Variants in PCNX2 observed in about 807,000 individuals in gnomAD.
The protein encoded by PCNX2 is pecanex 2.
A neutral mutation model predicts 223.8 loss-of-function variants in PCNX2; 168 were observed. The observed-to-expected ratio is 0.75, with a 90% CI of 0.66 to 0.85. The LOEUF (loss-of-function observed/expected upper bound fraction) is 0.85. Among genes scored for constraint, PCNX2 ranks in the 40% least tolerant of loss-of-function variants. The pLI is 0.00. For synonymous variants in PCNX2, 1,006 were observed against 1,052.6 expected (o/e 0.96, Z 0.86); for missense variants, 2,507 against 2,675.5 (o/e 0.94, Z 1.39).
intron 10 of PCNX2, among the ~76,000 whole-genome samples, chr1:233,219,866 T>A (rs1657263745): frequency 1.3e-5 from 2 of 152,152 alleles, no homozygotes; most frequent in East Asian, 1.9e-4. Flanking sequence ...GACAAATGTA[T>A]AATGACATGT....
At chr1:233,140,616 T>C (rs1010380933) in intron 19 of PCNX2, among the ~76,000 whole-genome samples, 1 of 152,138 alleles carries the variant, frequency 6.6e-6, no homozygotes, top group Non-Finnish European at 1.5e-5. Flanking sequence ...TGGCAGGAGA[T>C]GGGGTAATGA....
At chr1:233,130,768 C>A (rs1676450784) in intron 21 of PCNX2, among the ~76,000 whole-genome samples, 1 of 151,904 alleles carries the variant, frequency 6.6e-6, no homozygotes, top group Admixed American at 6.6e-5. Context: ...CAGGTGTGTG[C>A]CACTGTGCCC....
chr1:233,074,527 G>A lies in PCNX2; in HGVS notation c.4076+15534C>T, dbSNP rs546789887. Among the ~76,000 whole-genome samples the A allele has an allele frequency of 1.0e-4, 15 of 146,598 alleles. No homozygotes were observed. The South Asian group carries it at 2.8e-3, about 27-fold the overall frequency. ...GGAGAATGGCGTGAACCCGGGAGGC[G>A]GAGCTTGCAGTGAGCCGAGATCCCG... On this transcript the variant is annotated intron_variant, in intron 23 of 33. Transcript: ENST00000258229.
chr1:233,200,422 C>T (rs796143224), intron 13 of PCNX2, among the ~76,000 whole-genome samples, 158 bp from the exon 14 acceptor site: 2 of 134,406 alleles, frequency 1.5e-5, no homozygotes, highest in African/African-American at 5.8e-5. Context: ...TGGAGTCTCG[C>T]TCTGTCGCCC....
rs1220771376 is a variant in PCNX2 at position 233,236,919 on chromosome 1, C to G, written c.2284G>C (p.Asp762His). The G allele has an allele frequency of 6.2e-7, 1 of 1,613,966 alleles. No homozygotes were observed. Among genetic ancestry groups the G allele is most frequent in the East Asian group, 2.2e-5 (1 of 44,880 alleles). The change falls in exon 9 of 34, where the codon GAC becomes CAC. Residue 762 changes from aspartate to histidine, a missense_variant. Asp to His is a moderately conservative substitution (Grantham distance 81). This residue lies in a region of PCNX2 where 1,031 missense variants were observed against 1,021.7 expected (regional missense o/e 1.01). Coordinates refer to ENST00000258229, the MANE Select transcript of PCNX2 (RefSeq NM_014801.4). Reference protein sequence around the residue: ...TSESQDPSSGDPAVSALQQQL... With the variant: ...TSESQDPSSGHPAVSALQQQL... ...TGCTGAAGGGCACTGACGGCAGGGT[C>G]CCCAGAAGACGGATCTTGACTCTCA...
chr1:233,226,272 T>A (rs1005230341), intron 10 of PCNX2, among the ~76,000 whole-genome samples: 2 of 152,018 alleles, frequency 1.3e-5, no homozygotes, highest in African/African-American at 4.8e-5. Context: ...TGTTTTCTTT[T>A]TTCTGGGTGG....
At chr1:233,086,603 G>A (rs565996632) in intron 23 of PCNX2, among the ~76,000 whole-genome samples, 131 of 152,144 alleles carry the variant, frequency 8.6e-4, no homozygotes, top group Non-Finnish European at 1.5e-3. Context: ...CCTGGGAGGC[G>A]GAGCTTGCAG....
At chr1:233,048,749 A>G (rs927661583) in intron 25 of PCNX2, among the ~76,000 whole-genome samples, 3 of 152,202 alleles carry the variant, frequency 2.0e-5, no homozygotes, top group African/African-American at 7.2e-5. Flanking sequence ...GAAGATTGAT[A>G]GACCACTAAC....
intron 1 of PCNX2, among the ~76,000 whole-genome samples, chr1:233,275,298 G>A (rs763375942): frequency 2.6e-5 from 4 of 151,984 alleles, no homozygotes; most frequent in Admixed American, 6.6e-5. Context: ...TGCCTCCTGC[G>A]TTCAAGTGAT....
At chr1:233,016,511 G>A (rs1195405650) in intron 27 of PCNX2, among the ~76,000 whole-genome samples, 1 of 152,144 alleles carries the variant, frequency 6.6e-6, no homozygotes, top group Non-Finnish European at 1.5e-5. Flanking sequence ...GATGACAGAA[G>A]TTAAGTTGGA....
intron 9 of PCNX2, among the ~76,000 whole-genome samples, chr1:233,228,065 C>T (rs773178234): frequency 1.4e-4 from 22 of 152,230 alleles, no homozygotes; most frequent in African/African-American, 2.9e-4. Flanking sequence ...GTTGGGAACA[C>T]GCAGTTTTCC....
At position 233,263,067 on chromosome 1, in the gene PCNX2, T is replaced by A; in HGVS notation, c.250A>T (p.Met84Leu). The stretch of plus-strand genomic sequence containing the variant: ...TGAATTACTTCTCCTTTGTCAAACA[T>A]GAGGTGTAGGCGATAACTGACCAGT... Reference protein sequence around the residue: ...IKLVSYRLHLMFDKGEVIQQK... With the variant: ...IKLVSYRLHLLFDKGEVIQQK... The change falls in exon 2 of 34, where the codon ATG (methionine) becomes TTG (leucine). Residue 84 changes from methionine (M) to leucine (L), a missense_variant. Coordinates refer to ENST00000258229, the MANE Select transcript of PCNX2 (RefSeq NM_014801.4). The A allele has an allele frequency of 1.2e-6, 2 of 1,613,646 alleles. No homozygotes were observed. The highest frequency in any genetic ancestry group is 1.7e-6 in the Non-Finnish European group (2 of 1,179,696).
At position 233,295,320 on chromosome 1, in the gene PCNX2, A is replaced by G; in HGVS notation, c.153+6T>C. The G allele has an allele frequency of 6.4e-7, 1 of 1,574,362 alleles. No individual in the cohort carries two copies. Among genetic ancestry groups the G allele is most frequent in the Admixed American group, 1.8e-5 (1 of 54,542 alleles). ...AGCTCCCCGGGACCGGACCCTCCCC[A>G]CTCACCAGGTGCAGGGCCAGGGGCA... On this transcript the variant is annotated splice_donor_region_variant and intron_variant, in intron 1 of 33. Coordinates refer to ENST00000258229, the MANE Select transcript of PCNX2 (RefSeq NM_014801.4). This position sits in a 1 kb window ranked among gnomAD's most constrained non-coding sequence, Gnocchi z 4.1.
At chr1:233,127,921 G>C (rs1265489387) in intron 21 of PCNX2, among the ~76,000 whole-genome samples, 1 of 152,174 alleles carries the variant, frequency 6.6e-6, no homozygotes, top group African/African-American at 2.4e-5. Flanking sequence ...TTTGAACAAA[G>C]TATTTTGAAC....
chr1:233,147,448 G>C (rs533275215), intron 19 of PCNX2, among the ~76,000 whole-genome samples: 1 of 152,036 alleles, frequency 6.6e-6, no homozygotes, highest in African/African-American at 2.4e-5. Flanking sequence ...TCATCTTCAC[G>C]TTGAGTAGGC....
chr1:233,242,133 T>TA, intron 8 of PCNX2, among the ~76,000 whole-genome samples: 1 of 152,290 alleles, frequency 6.6e-6, no homozygotes, highest in Non-Finnish European at 1.5e-5. Flanking sequence ...AATCCACCTT[T>TA]GGAGTATGGT....
rs367553915 is a variant in PCNX2, at chr1:233,155,552, T to C, written c.3517+4731A>G. ...CTCAATACCATACTTATTCCTTGTC[T>C]CAATCTCTTTTAACTCCATTGTAAT... is the stretch of plus-strand genomic sequence containing the variant. On this transcript the variant is annotated intron_variant, in intron 19 of 33. Transcript: ENST00000258229. Among the ~76,000 whole-genome samples, 7 of 152,244 alleles carry C rather than the reference T, an allele frequency of 4.6e-5. No individual in the cohort carries two copies. The East Asian group carries it at 1.2e-3, about 25-fold the overall frequency.
At chr1:233,297,170 G>A (rs980004694), upstream of PCNX2, among the ~76,000 whole-genome samples, 2 of 152,118 alleles carry the variant, frequency 1.3e-5, no homozygotes, top group South Asian at 2.1e-4. Context: ...TTAAAGGAGC[G>A]CCGTCACGTG....
chr1:233,309,546 T>A, the PCNX2 span, among the ~76,000 whole-genome samples: 54,586 of 141,812 alleles, frequency 0.38, 10,476 homozygotes, highest in Middle Eastern at 0.46. Flanking sequence ...CTCAAAAAAA[T>A]AATAATAATA....
Sources: gnomAD v4.1 joint callset for allele counts (sites outside exome capture counted in the v4.1 genomes callset) on GRCh38, gnomAD v4.1.1 for gene constraint, gnomAD v4.1.1 regional missense constraint, Gnocchi (gnomAD v3.1) non-coding constraint, MANE v1.5 for transcripts, NCBI Gene and HGNC (gene_info 2026-07-23, HGNC 2026-07-21) for gene names.